BICD1: variants seen among roughly 807,000 people sequenced by gnomAD.
The protein encoded by BICD1 is BICD cargo adaptor 1, also known as protein bicaudal D homolog 1.
A neutral mutation model predicts 92.5 loss-of-function variants in BICD1; 35 were observed. That is an observed-to-expected ratio of 0.38 (90% CI 0.29 to 0.50). The LOEUF (loss-of-function observed/expected upper bound fraction) is 0.50, where lower values mean the gene tolerates loss of function less well. BICD1 is among the 20% of genes least tolerant of loss of function. The pLI is 0.93. For missense variants in BICD1, 950 were observed against 1,189.8 expected (o/e 0.80, Z 2.97); for synonymous variants, 429 against 465.1 (o/e 0.92, Z 1.00).
chr12:32,225,783 G>A (rs1189862647), intron 2 of BICD1, among the ~76,000 whole-genome samples: 2 of 151,852 alleles, frequency 1.3e-5, no homozygotes, highest in Admixed American at 1.3e-4. Context: ...ACCACACCCG[G>A]CTAATTTTTT....
At chr12:32,336,632 A>G (rs1452732702) in intron 6 of BICD1, among the ~76,000 whole-genome samples, 1 of 152,244 alleles carries the variant, frequency 6.6e-6, no homozygotes, top group Admixed American at 6.5e-5. Flanking sequence ...TTTGGATACT[A>G]TAGGCATAGC....
At chr12:32,304,610 C>A (rs537118210) in intron 3 of BICD1, among the ~76,000 whole-genome samples, 1 of 152,298 alleles carries the variant, frequency 6.6e-6, no homozygotes, top group South Asian at 2.1e-4. Context: ...TGGAAAGGAT[C>A]CCAAGGAGGC....
intron 4 of BICD1, among the ~76,000 whole-genome samples, chr12:32,316,826 G>C (rs970903742): frequency 6.6e-6 from 1 of 151,872 alleles, no homozygotes; most frequent in Non-Finnish European, 1.5e-5. Flanking sequence ...TTTAGCATTA[G>C]GTATATCTCC....
chr12:32,214,181 G>A (rs1199599355), intron 1 of BICD1, among the ~76,000 whole-genome samples: 1 of 152,132 alleles, frequency 6.6e-6, no homozygotes, highest in Admixed American at 6.5e-5. Context: ...TTAAATGCAT[G>A]TTGTAACTCT....
chr12:32,216,207 A>C lies in BICD1; in HGVS notation c.214-40A>C, dbSNP rs754295643. ...AAGTCTTAAAAGAGGGTTATGATGC[A>C]TTTCATTGTGTACTCTTTTTCTTCC... is the stretch of plus-strand genomic sequence containing the variant. On this transcript the variant is annotated intron_variant, in intron 1 of 9. Coordinates refer to ENST00000652176, the MANE Select transcript of BICD1 (RefSeq NM_001714.4). The C allele has an allele frequency of 1.8e-5, 29 of 1,594,112 alleles. No individual in the cohort carries two copies. In the South Asian group the frequency reaches 2.7e-4, roughly 15 times the overall value.
At chr12:32,363,977 A>G (rs1028154146) in intron 8 of BICD1, among the ~76,000 whole-genome samples, 1 of 150,128 alleles carries the variant, frequency 6.7e-6, no homozygotes. Context: ...TAAACAATAA[A>G]TAAGTACTAG....
At chr12:32,117,351 A>G (rs920293109) in intron 1 of BICD1, among the ~76,000 whole-genome samples, 1 of 152,224 alleles carries the variant, frequency 6.6e-6, no homozygotes, top group African/African-American at 2.4e-5. Context: ...TCCCACCACC[A>G]GAGCAGTGTT....
chr12:32,190,568 G>A (rs1944537846), intron 1 of BICD1, among the ~76,000 whole-genome samples: 1 of 152,162 alleles, frequency 6.6e-6, no homozygotes, highest in Non-Finnish European at 1.5e-5. Context: ...AAATATATGT[G>A]CACCCCACAT....
chr12:32,129,954 G>A (rs1942480669), intron 1 of BICD1, among the ~76,000 whole-genome samples: 1 of 152,172 alleles, frequency 6.6e-6, no homozygotes, highest in Non-Finnish European at 1.5e-5. Context: ...GAACAGTTTG[G>A]AAGAAATAGT....
At chr12:32,356,201 A>T (rs996605289) in intron 8 of BICD1, among the ~76,000 whole-genome samples, 3 of 152,186 alleles carry the variant, frequency 2.0e-5, no homozygotes, top group African/African-American at 7.2e-5. Context: ...AAACGGATAG[A>T]AAAACTGAGG....
At chr12:32,318,863 A>T (rs532808378) in intron 4 of BICD1, among the ~76,000 whole-genome samples, 1 of 152,274 alleles carries the variant, frequency 6.6e-6, no homozygotes, top group East Asian at 1.9e-4. Flanking sequence ...TGAAAAAAAA[A>T]TTTTATTCTG....
intron 2 of BICD1, among the ~76,000 whole-genome samples, chr12:32,246,029 CAAAAAAAAAAAAAAA>C (rs71068311): frequency 2.3e-5 from 1 of 44,094 alleles, no homozygotes; most frequent in East Asian, 9.8e-4. Context: ...TACTCTGTCT[CAAAAAAAAAAAAAAA>C]AAAAAAAAAA....
Position 32,117,703 on chromosome 12 carries a change from AATATAT to A in BICD1, c.213+10163_213+10168del, listed in dbSNP as rs371992238. Among the ~76,000 whole-genome samples the A allele has an allele frequency of 2.3e-3, 301 of 129,180 alleles. 4 individuals are homozygous for A. Among genetic ancestry groups the A allele is most frequent in the East Asian group, 0.012 (49 of 4,188 alleles). 84.7% of individuals were successfully genotyped at this position (129,180 alleles called of 152,430 possible). On this transcript the variant is annotated intron_variant, in intron 1 of 9. Coordinates refer to ENST00000652176, the MANE Select transcript of BICD1 (RefSeq NM_001714.4). The stretch of plus-strand genomic sequence containing the variant: ...AGTCATATATATATATATATACACA[AATATAT>A]ATACACACACACACACACACACACA...
chr12:32,272,050 A>C lies in BICD1; in HGVS notation c.427-21944A>C, dbSNP rs181864219. Among the ~76,000 whole-genome samples, 523 of 152,178 alleles carry C rather than the reference A, an allele frequency of 3.4e-3. 1 individual carries two copies. Among genetic ancestry groups the C allele is most frequent in the Non-Finnish European group, 5.3e-3 (362 of 68,016 alleles). ...TGTACTACAAGTTACTTTTTATTTAACTACTTATGCCATATTTAATTCCCA... is the reference window on the plus strand; with the variant it reads ...TGTACTACAAGTTACTTTTTATTTACCTACTTATGCCATATTTAATTCCCA... On this transcript the variant is annotated intron_variant, in intron 2 of 9. Coordinates refer to ENST00000652176, the MANE Select transcript of BICD1 (RefSeq NM_001714.4).
At chr12:32,332,801 G>A (rs987694434) in intron 5 of BICD1, 1 of 945,466 alleles carries the variant, frequency 1.1e-6, no homozygotes, top group African/African-American at 1.8e-5. Flanking sequence ...GCTTTGGAGT[G>A]ACAAAATAGA....
intron 1 of BICD1, among the ~76,000 whole-genome samples, chr12:32,196,270 T>C (rs1944724395): frequency 6.6e-6 from 1 of 152,200 alleles, no homozygotes; most frequent in Admixed American, 6.5e-5. Context: ...AGCTACCATA[T>C]GATCCAGCCA....
rs1474988181 is a variant in BICD1 at position 32,379,960 on chromosome 12, A to G, written c.*2333A>G. ...TCCATGAAAAGCCGGGTCACCCACA[A>G]AACATTTCTTCCAATACAAAGTGTA... On this transcript the variant is annotated 3_prime_UTR_variant, in exon 10 of 10. Coordinates refer to ENST00000652176, the MANE Select transcript of BICD1 (RefSeq NM_001714.4). The G allele has an allele frequency of 2.0e-5, 3 of 152,168 alleles. No homozygotes were observed. Among genetic ancestry groups the G allele is most frequent in the Non-Finnish European group, 4.4e-5 (3 of 68,032 alleles). The allele number at this position is 152,168 out of a possible 1,614,324, so 9.4% of individuals were successfully genotyped here. A position where few individuals can be genotyped will look rare whatever the true frequency, so the allele number is the denominator to read the frequency against.
At chr12:32,187,340 A>G (rs1183342412) in intron 1 of BICD1, among the ~76,000 whole-genome samples, 1 of 152,200 alleles carries the variant, frequency 6.6e-6, no homozygotes, top group Non-Finnish European at 1.5e-5. Flanking sequence ...ACAGCTTGAC[A>G]AGTTTGTGAA....
chr12:32,175,775 TAGTAGCTTTACTG>T (rs1304224643), intron 1 of BICD1, among the ~76,000 whole-genome samples: 1 of 152,244 alleles, frequency 6.6e-6, no homozygotes, highest in Non-Finnish European at 1.5e-5. Flanking sequence ...CAATAATTTT[TAGTAGCTTTACTG>T]AGTGATGCAA....
Sources: allele counts gnomAD v4.1 joint callset (sites outside exome capture counted in the v4.1 genomes callset), GRCh38; gene constraint gnomAD v4.1.1; transcripts MANE v1.5; gene names NCBI Gene and HGNC (gene_info 2026-07-23, HGNC 2026-07-21).